ATRNL1: variants seen among roughly 807,000 people sequenced by gnomAD.
ATRNL1 encodes the protein attractin like 1.
A neutral mutation model predicts 182.7 loss-of-function variants in ATRNL1; 95 were observed. The observed-to-expected ratio is 0.52, with a 90% CI of 0.44 to 0.62. The LOEUF is 0.62. Ranked by LOEUF, ATRNL1 falls within the 20% of genes least tolerant of loss-of-function variation. ATRNL1 has a pLI of 0.00. For synonymous variants in ATRNL1, 576 were observed against 568.3 expected (o/e 1.01, Z -0.19); for missense variants, 1,471 against 1,679.5 (o/e 0.88, Z 2.17).
At chr10:115,621,006 C>T (rs1555022577) in intron 26 of ATRNL1, among the ~76,000 whole-genome samples, 3 of 151,306 alleles carry the variant, frequency 2.0e-5, no homozygotes, top group South Asian at 2.1e-4. Context: ...AATTCCTTGT[C>T]GCCTTGTATC....
chr10:115,704,867 C>G lies in ATRNL1; in HGVS notation c.3796-22381C>G, dbSNP rs151118566. Among the ~76,000 whole-genome samples the G allele has an allele frequency of 1.7e-3, 251 of 151,850 alleles. 2 individuals are homozygous for G. Among genetic ancestry groups the G allele is most frequent in the Non-Finnish European group, 2.8e-3 (191 of 67,832 alleles). Reference sequence around the variant, plus strand: ...TTATTATATCCTCATCTTTCTTCTTCTATCTCTTTCTCCTCCTTTCTTCTT... The same window carrying G: ...TTATTATATCCTCATCTTTCTTCTTGTATCTCTTTCTCCTCCTTTCTTCTT... On this transcript the variant is annotated intron_variant, in intron 26 of 28. Coordinates refer to ENST00000355044, the MANE Select transcript of ATRNL1 (RefSeq NM_207303.4).
At chr10:115,521,981 G>A (rs918958685) in intron 25 of ATRNL1, among the ~76,000 whole-genome samples, 1 of 152,138 alleles carries the variant, frequency 6.6e-6, no homozygotes, top group African/African-American at 2.4e-5. Flanking sequence ...AGCTGAGTGC[G>A]TCAGCTTTGC....
At chr10:115,356,053 A>G (rs1856490680) in intron 19 of ATRNL1, among the ~76,000 whole-genome samples, 1 of 152,158 alleles carries the variant, frequency 6.6e-6, no homozygotes, top group Non-Finnish European at 1.5e-5. Flanking sequence ...ACTTTAATAC[A>G]CACACTAGGA....
At chr10:115,502,962 G>A (rs1592751150) in intron 24 of ATRNL1, among the ~76,000 whole-genome samples, 1 of 152,182 alleles carries the variant, frequency 6.6e-6, no homozygotes, top group South Asian at 2.1e-4. Context: ...TTGAGGAGTT[G>A]AATAGCTTTA....
At chr10:115,872,555 T>C (rs1951609258) in intron 28 of ATRNL1, among the ~76,000 whole-genome samples, 1 of 152,184 alleles carries the variant, frequency 6.6e-6, no homozygotes, top group Admixed American at 6.5e-5. Context: ...AGTAAACTGA[T>C]AAGACACAAA....
At chr10:115,841,298 C>T (rs373916199) in intron 27 of ATRNL1, among the ~76,000 whole-genome samples, 3 of 152,042 alleles carry the variant, frequency 2.0e-5, no homozygotes, top group East Asian at 1.9e-4. Context: ...CTCCCAAAGT[C>T]AGTGCCACAC....
At chr10:115,893,362 T>TA (rs1234665164) in intron 28 of ATRNL1, among the ~76,000 whole-genome samples, 3 of 152,142 alleles carry the variant, frequency 2.0e-5, no homozygotes, top group Admixed American at 2.0e-4. Context: ...AGTAAGGTGT[T>TA]TAATGAGTAT....
intron 8 of ATRNL1, among the ~76,000 whole-genome samples, chr10:115,197,806 A>G (rs1033923097): frequency 1.3e-5 from 2 of 152,272 alleles, no homozygotes; most frequent in African/African-American, 4.8e-5. Flanking sequence ...AAGAATCTAT[A>G]TATAAGTGAG....
intron 1 of ATRNL1, among the ~76,000 whole-genome samples, chr10:115,113,557 A>G (rs193008778): frequency 7.3e-4 from 111 of 152,256 alleles, no homozygotes; most frequent in Non-Finnish European, 1.3e-3. Context: ...ATGATAGTGA[A>G]TAAGTCTTAT....
At chr10:115,540,109 C>G (rs1290841525) in intron 25 of ATRNL1, among the ~76,000 whole-genome samples, 1 of 136,252 alleles carries the variant, frequency 7.3e-6, no homozygotes, top group Non-Finnish European at 1.6e-5. Flanking sequence ...GCACATTTAC[C>G]CTAGAACTTA....
intron 26 of ATRNL1, among the ~76,000 whole-genome samples, chr10:115,579,679 A>T (rs1555006555): frequency 6.6e-6 from 1 of 151,932 alleles, no homozygotes; most frequent in Non-Finnish European, 1.5e-5. Flanking sequence ...TCATTTAGCC[A>T]GCCTATATCT....
chr10:115,603,549 A>C (rs1173651066), intron 26 of ATRNL1, among the ~76,000 whole-genome samples: 1 of 152,216 alleles, frequency 6.6e-6, no homozygotes, highest in Non-Finnish European at 1.5e-5. Context: ...TACCCTCATA[A>C]AATTTTAAGA....
chr10:115,291,779 G>T (rs77097699), intron 15 of ATRNL1, among the ~76,000 whole-genome samples: 1,685 of 135,758 alleles, frequency 0.012, 28 homozygotes, highest in African/African-American at 0.043. Flanking sequence ...GAGCATTGTT[G>T]CATATGTTCA....
At chr10:115,531,614 C>T (rs1324679957) in intron 25 of ATRNL1, among the ~76,000 whole-genome samples, 1 of 150,682 alleles carries the variant, frequency 6.6e-6, no homozygotes, top group Non-Finnish European at 1.5e-5. Flanking sequence ...TTTTGCTGTG[C>T]AGAAGCTCTT....
chr10:115,638,014 CTACTA>C (rs1420047977), intron 26 of ATRNL1, among the ~76,000 whole-genome samples: 13 of 152,060 alleles, frequency 8.5e-5, no homozygotes, highest in African/African-American at 3.1e-4. Flanking sequence ...TTTATAAAGT[CTACTA>C]TACAGTTTTT....
intron 27 of ATRNL1, among the ~76,000 whole-genome samples, chr10:115,842,211 T>C: frequency 6.6e-6 from 1 of 152,112 alleles, no homozygotes; most frequent in Non-Finnish European, 1.5e-5. Flanking sequence ...AGGTATAACA[T>C]ATCCACATTA....
chr10:115,695,597 T>G (rs1946532305), intron 26 of ATRNL1, among the ~76,000 whole-genome samples: 1 of 152,142 alleles, frequency 6.6e-6, no homozygotes, highest in South Asian at 2.1e-4. Flanking sequence ...GTTGATAACC[T>G]TATATATTAG....
At chr10:115,412,914 C>T (rs1440916911) in intron 20 of ATRNL1, among the ~76,000 whole-genome samples, 2 of 152,036 alleles carry the variant, frequency 1.3e-5, no homozygotes, top group African/African-American at 2.4e-5. Context: ...TTAGATCCTC[C>T]ATTCTGATTT....
intron 27 of ATRNL1, among the ~76,000 whole-genome samples, chr10:115,837,893 A>T (rs1309245734): frequency 2.0e-5 from 3 of 152,190 alleles, no homozygotes; most frequent in Non-Finnish European, 4.4e-5. Flanking sequence ...ACATTGACCC[A>T]TATAAAATTG....
Sources: gnomAD v4.1 joint callset for allele counts (sites outside exome capture counted in the v4.1 genomes callset) on GRCh38, gnomAD v4.1.1 for gene constraint, MANE v1.5 for transcripts, NCBI Gene and HGNC (gene_info 2026-07-23, HGNC 2026-07-21) for gene names.